Variants in CACNA2D1 observed in about 807,000 individuals in gnomAD.
The protein encoded by CACNA2D1 is calcium voltage-gated channel auxiliary subunit alpha2delta 1.
A neutral mutation model predicts 171.5 loss-of-function variants in CACNA2D1; 53 were observed. The ratio of observed to expected loss-of-function variants is 0.31; its 90% CI spans 0.25 to 0.39. CACNA2D1 has a LOEUF of 0.39. Ranked by LOEUF, CACNA2D1 falls within the 10% of genes least tolerant of loss-of-function variation. The pLI is 1.00. For synonymous variants in CACNA2D1, 442 were observed against 443.1 expected (o/e 1.00, Z 0.03); for missense variants, 903 against 1,299.8 (o/e 0.69, Z 4.69).
At chr7:82,270,493 G>A (rs1402653358) in intron 3 of CACNA2D1, among the ~76,000 whole-genome samples, 10 of 151,926 alleles carry the variant, frequency 6.6e-5, no homozygotes, top group African/African-American at 1.4e-4. Context: ...CCAATCTTTC[G>A]TTAAAGGACA....
At chr7:82,069,214 A>G (rs1808023607) in intron 7 of CACNA2D1, among the ~76,000 whole-genome samples, 1 of 152,186 alleles carries the variant, frequency 6.6e-6, no homozygotes, top group Admixed American at 6.6e-5. Context: ...TAAAAAGGCT[A>G]ATAACCATAC....
chr7:82,106,886 A>G (rs1020556725), intron 6 of CACNA2D1, among the ~76,000 whole-genome samples: 3 of 152,146 alleles, frequency 2.0e-5, no homozygotes, highest in Non-Finnish European at 4.4e-5. Flanking sequence ...TCTCCTAATT[A>G]GATAGAAAAC....
chr7:82,443,846 G>C, upstream of CACNA2D1: 1 of 525,444 alleles, frequency 1.9e-6, no homozygotes, highest in Admixed American at 4.5e-5. Flanking sequence ...GGGGGCGGGG[G>C]CGGAGGAGGG....
intron 12 of CACNA2D1, among the ~76,000 whole-genome samples, chr7:82,015,482 A>C (rs935690349): frequency 6.6e-6 from 1 of 152,172 alleles, no homozygotes; most frequent in Non-Finnish European, 1.5e-5. Flanking sequence ...TTATTGAAAG[A>C]CATTGAATTT....
chr7:82,329,838 T>C (rs1817087522), intron 3 of CACNA2D1, among the ~76,000 whole-genome samples: 1 of 152,098 alleles, frequency 6.6e-6, no homozygotes, highest in African/African-American at 2.4e-5. Flanking sequence ...AATGTGGGTT[T>C]AGAGGGGAAC....
Position 82,380,230 on chromosome 7 carries a change from T to C in CACNA2D1, c.96-30581A>G, listed in dbSNP as rs548672394. 5.9e-5 allele frequency among the ~76,000 whole-genome samples: 9 copies of C among 152,312 alleles called. No individual in the cohort carries two copies. The South Asian group carries it at 1.9e-3, about 32-fold the overall frequency. ...AGATGATAAAATTAAAGTAGGAAAA[T>C]TAGTTTTGTGATCAACTGGAAAGGT... On this transcript the variant is annotated intron_variant, in intron 1 of 38. Coordinates refer to ENST00000356860, the MANE Select transcript of CACNA2D1 (RefSeq NM_000722.4).
At chr7:82,333,748 A>G (rs1817661898) in intron 3 of CACNA2D1, among the ~76,000 whole-genome samples, 1 of 151,942 alleles carries the variant, frequency 6.6e-6, no homozygotes, top group Non-Finnish European at 1.5e-5. Context: ...AAACTAATTT[A>G]TAAATGCCCT....
chr7:82,214,894 C>T (rs1382527819), intron 3 of CACNA2D1, among the ~76,000 whole-genome samples: 2 of 152,184 alleles, frequency 1.3e-5, no homozygotes, highest in East Asian at 3.8e-4. Context: ...TCAACAGTCT[C>T]TTCCTTTTGG....
At chr7:82,096,489 C>G (rs258663) in intron 6 of CACNA2D1, among the ~76,000 whole-genome samples, 80,868 of 151,310 alleles carry the variant, frequency 0.53, 21,727 homozygotes, top group Non-Finnish European at 0.54. Context: ...AAATCAAGTT[C>G]TCAGGAATAT....
chr7:82,353,037 A>G (rs1247201621), intron 1 of CACNA2D1, among the ~76,000 whole-genome samples: 2 of 152,230 alleles, frequency 1.3e-5, no homozygotes, highest in Admixed American at 6.5e-5. Flanking sequence ...GATCATGTAA[A>G]TGTATGTAAA....
chr7:82,283,167 T>C (rs992254571), intron 3 of CACNA2D1, among the ~76,000 whole-genome samples: 4 of 152,094 alleles, frequency 2.6e-5, no homozygotes, highest in African/African-American at 9.6e-5. Flanking sequence ...AAAAAAAAAA[T>C]TGAAGTTAAA....
chr7:82,158,997 T>C (rs1052209198), intron 4 of CACNA2D1, among the ~76,000 whole-genome samples: 7 of 151,938 alleles, frequency 4.6e-5, no homozygotes, highest in Non-Finnish European at 1.0e-4. Context: ...CTGCTCTCTG[T>C]ATTGCTGTAC....
chr7:82,378,917 G>A (rs1333595536), intron 1 of CACNA2D1, among the ~76,000 whole-genome samples: 1 of 149,074 alleles, frequency 6.7e-6, no homozygotes, highest in Non-Finnish European at 1.5e-5. Flanking sequence ...TGTTGCTACT[G>A]TATGTGTGCA....
intron 4 of CACNA2D1, among the ~76,000 whole-genome samples, chr7:82,141,328 T>C (rs1267563954): frequency 8.5e-5 from 13 of 152,128 alleles, no homozygotes; most frequent in Non-Finnish European, 2.9e-5. Context: ...ATATGAGTTT[T>C]ACTTAAAATG....
intron 10 of CACNA2D1, among the ~76,000 whole-genome samples, chr7:82,057,494 A>C (rs1806065202): frequency 6.6e-6 from 1 of 152,118 alleles, no homozygotes; most frequent in South Asian, 2.1e-4. Context: ...GGTCCCAGAA[A>C]GAATTTAACT....
intron 1 of CACNA2D1, among the ~76,000 whole-genome samples, chr7:82,439,247 T>A (rs1423271049): frequency 1.3e-5 from 2 of 152,104 alleles, no homozygotes; most frequent in Non-Finnish European, 1.5e-5. Flanking sequence ...CATTATTGTT[T>A]ATGAATATAT....
intron 19 of CACNA2D1, 35 bp downstream of exon 19, chr7:81,997,144 C>T (rs778718000): frequency 5.8e-6 from 7 of 1,210,222 alleles, no homozygotes; most frequent in Non-Finnish European, 8.6e-6. Context: ...AGCATCTGAC[C>T]TGAGGAATTG....
At chr7:82,232,297 T>C (rs999294890) in intron 3 of CACNA2D1, among the ~76,000 whole-genome samples, 1 of 152,168 alleles carries the variant, frequency 6.6e-6, no homozygotes, top group Admixed American at 6.5e-5. Flanking sequence ...CCACCATCTA[T>C]AAAGATTTGT....
chr7:82,216,891 C>CAAAAAAAA (rs56161307), intron 3 of CACNA2D1, among the ~76,000 whole-genome samples: 2 of 130,314 alleles, frequency 1.5e-5, no homozygotes, highest in Non-Finnish European at 3.2e-5. Flanking sequence ...AGCCTAAATC[C>CAAAAAAAA]AAAAAAAAAA....
Sources: allele counts gnomAD v4.1 joint callset (sites outside exome capture counted in the v4.1 genomes callset), GRCh38; gene constraint gnomAD v4.1.1; transcripts MANE v1.5; gene names NCBI Gene and HGNC (gene_info 2026-07-23, HGNC 2026-07-21).